The following AMPD3 variants were observed in gnomAD, a reference collection of about 807,000 sequenced individuals.
AMPD3 encodes adenosine monophosphate deaminase 3.
In AMPD3, 57 loss-of-function variants were observed where a neutral mutation model predicts 82.3. That is an observed-to-expected ratio of 0.69 (90% CI 0.56 to 0.86). The LOEUF (loss-of-function observed/expected upper bound fraction) is 0.86, where lower values mean the gene tolerates loss of function less well. AMPD3 is among the 40% of genes least tolerant of loss of function. The pLI, the probability that AMPD3 is intolerant of heterozygous loss-of-function variation, is 0.00. For synonymous variants in AMPD3, 381 were observed against 394.7 expected (o/e 0.97, Z 0.41); for missense variants, 870 against 1,003.8 (o/e 0.87, Z 1.80).
At chr11:10,484,692 A>AT in intron 4 of AMPD3, 128 bp from the exon 5 acceptor site, 1 of 1,268,674 alleles carries the variant, frequency 7.9e-7, no homozygotes, top group Non-Finnish European at 1.1e-6. Flanking sequence ...GGAAGAGCAT[A>AT]TGAGATGCGG....
At position 10,465,419 on chromosome 11, in the gene AMPD3, G is replaced by C. The variant is rs1848389906; in HGVS notation, c.221+3679G>C. ...TTTTAAAAAATTAGGATATAGTTAAGGCTGGCAAGATGGCCAATTAGGAAC... is the reference window on the plus strand; with the variant it reads ...TTTTAAAAAATTAGGATATAGTTAACGCTGGCAAGATGGCCAATTAGGAAC... On this transcript the variant is annotated intron_variant, in intron 2 of 14. Transcript: ENST00000396553. Among the ~76,000 whole-genome samples the C allele has an allele frequency of 4.6e-5, 7 of 152,302 alleles. 1 individual carries two copies. The South Asian group carries it at 1.5e-3, about 32-fold the overall frequency.
intron 4 of AMPD3, among the ~76,000 whole-genome samples, chr11:10,482,605 G>A (rs1461197816): frequency 2.0e-5 from 3 of 151,750 alleles, no homozygotes; most frequent in Non-Finnish European, 4.4e-5. Context: ...TCAATCTCCT[G>A]GGCTCAAGCA....
In AMPD3 at chr11:10,481,422, C is replaced by T. The variant is rs539117154; in HGVS notation, c.427-641C>T. On this transcript the variant is annotated intron_variant, in intron 3 of 14. Coordinates refer to ENST00000396553, the MANE Select transcript of AMPD3 (RefSeq NM_001025389.2). ...GCCTGGTACAAAAACAGACTTTTGG[C>T]TTAATTAGCTGCATGTGAGGCCGGC... The T allele has an allele frequency of 9.8e-5, 97 of 985,328 alleles. No homozygotes were observed. The African/African-American group carries it at 1.5e-3, about 15-fold the overall frequency. 61.0% of individuals were successfully genotyped at this position (985,328 alleles called of 1,614,324 possible). A position where few individuals can be genotyped will look rare whatever the true frequency, so the allele number is the denominator to read the frequency against.
chr11:10,454,445 C>A (rs576155417), upstream of AMPD3, among the ~76,000 whole-genome samples: 60 of 152,274 alleles, frequency 3.9e-4, no homozygotes, highest in Non-Finnish European at 7.1e-4. Context: ...TTTCCTATGA[C>A]AGCAGTTCTA....
intron 6 of AMPD3, chr11:10,490,554 T>C (rs1241604557): frequency 1.5e-5 from 15 of 985,246 alleles, no homozygotes; most frequent in African/African-American, 3.5e-5. Flanking sequence ...GATCCTCTGG[T>C]GAACTGAAAA....
At chr11:10,490,658 T>G (rs1849213707) in intron 6 of AMPD3, 1 of 985,220 alleles carries the variant, frequency 1.0e-6, no homozygotes, top group Non-Finnish European at 1.2e-6. Context: ...ATTGTCCAGT[T>G]GTTTTCCTCA....
At chr11:10,452,846 G>A (rs748544737), upstream of AMPD3, among the ~76,000 whole-genome samples, 15 of 152,132 alleles carry the variant, frequency 9.9e-5, no homozygotes, top group Non-Finnish European at 2.2e-4. Flanking sequence ...CACTTCATAG[G>A]GAATAAAACC....
In AMPD3 at chr11:10,506,086, A is replaced by G; in HGVS notation, c.*202A>G. On this transcript the variant is annotated 3_prime_UTR_variant, in exon 15 of 15. Coordinates refer to ENST00000396553, the MANE Select transcript of AMPD3 (RefSeq NM_001025389.2). This position sits in a 1 kb window ranked among gnomAD's most constrained non-coding sequence, Gnocchi z 4.1. The stretch of plus-strand genomic sequence containing the variant: ...AGTATTTCTGAGTAACAAGATGGTG[A>G]CTTCTCCTTGGGGATCTGGGAGCTG... The G allele has an allele frequency of 1.6e-6, 1 of 634,958 alleles. No individual in the cohort carries two copies. Among genetic ancestry groups the G allele is most frequent in the Non-Finnish European group, 2.8e-6 (1 of 356,196 alleles). 39.3% of individuals were successfully genotyped at this position (634,958 alleles called of 1,614,324 possible). A position where few individuals can be genotyped will look rare whatever the true frequency, so the allele number is the denominator to read the frequency against.
rs1221667463 is a variant in AMPD3, at chr11:10,495,561, T to C, written c.1267-9T>C. 1.2e-6 allele frequency: 2 copies of C among 1,612,484 alleles called. No homozygotes were observed. Among genetic ancestry groups the C allele is most frequent in the East Asian group, 4.5e-5 (2 of 44,876 alleles). ...GCACTGGGGCTGACCCAAGCTCTTC[T>C]TGTGCCAGGAGGTTGCCCGGGAGCT... On this transcript the variant is annotated splice_polypyrimidine_tract_variant and intron_variant, in intron 8 of 14. Coordinates refer to ENST00000396553, the MANE Select transcript of AMPD3 (RefSeq NM_001025389.2).
chr11:10,481,456 G>T, intron 3 of AMPD3: 1 of 985,406 alleles, frequency 1.0e-6, no homozygotes, highest in African/African-American at 1.7e-5. Flanking sequence ...GCTTCTGGGT[G>T]TGCAGGCTGG....
chr11:10,497,326 C>T lies in AMPD3; in HGVS notation c.1557+388C>T, dbSNP rs574454308. Reference sequence around the variant, plus strand: ...TCGGAAATGCAAACACTTCAATTCACCTGCTTTACCTCGCAACAGAGGCCC... The same window carrying T: ...TCGGAAATGCAAACACTTCAATTCATCTGCTTTACCTCGCAACAGAGGCCC... On this transcript the variant is annotated intron_variant, in intron 10 of 14. Transcript: ENST00000396553. Among the ~76,000 whole-genome samples, 168 of 152,220 alleles carry T rather than the reference C, an allele frequency of 1.1e-3. 1 individual carries two copies. Among genetic ancestry groups the T allele is most frequent in the African/African-American group, 4.0e-3 (168 of 41,524 alleles).
chr11:10,461,565 C>T lies in AMPD3; in HGVS notation c.46C>T (p.Gln16Ter). 6.2e-7 allele frequency: 1 copy of T among 1,614,220 alleles called. No homozygotes were observed. Among genetic ancestry groups the T allele is most frequent in the Non-Finnish European group, 8.5e-7 (1 of 1,180,038 alleles). The change falls in exon 2 of 15, where the codon CAA (glutamine) becomes TAA (stop). Residue 16 changes from glutamine to a stop codon, truncating the protein, a stop_gained. Coordinates refer to ENST00000396553, the MANE Select transcript of AMPD3 (RefSeq NM_001025389.2). LOFTEE classifies it high-confidence loss of function. Reference protein sequence around the residue: ...PKLNISEVDEQVRLLAEKVFA... With the variant: ...PKLNISEVDE ...GCTGAACATCTCTGAAGTGGATGAG[C>T]AAGTCCGGCTCCTGGCGGAGAAGGT...
upstream of AMPD3, among the ~76,000 whole-genome samples, chr11:10,453,382 G>A (rs992398052): frequency 3.9e-5 from 6 of 152,300 alleles, no homozygotes; most frequent in Non-Finnish European, 5.9e-5. Context: ...CTTGCTGAAT[G>A]TCGACCATAT....
intron 5 of AMPD3, among the ~76,000 whole-genome samples, chr11:10,485,431 A>G (rs1849040081): frequency 6.6e-6 from 1 of 152,016 alleles, no homozygotes. Context: ...TTTAGTAGAG[A>G]CAGGGGTTTT....
chr11:10,496,743 G>C (rs1454855742), intron 9 of AMPD3, 69 bp from the exon 10 acceptor site: 3 of 1,611,984 alleles, frequency 1.9e-6, no homozygotes, highest in South Asian at 1.1e-5. Flanking sequence ...GGAAGTGACT[G>C]GGGCTGGTCT....
chr11:10,483,170 G>A (rs1434372781), intron 4 of AMPD3, among the ~76,000 whole-genome samples: 2 of 152,170 alleles, frequency 1.3e-5, no homozygotes, highest in African/African-American at 4.8e-5. Flanking sequence ...CATTTATGCT[G>A]CCGAGTTCAG....
chr11:10,453,312 C>T (rs1294463548), upstream of AMPD3, among the ~76,000 whole-genome samples: 1 of 152,204 alleles, frequency 6.6e-6, no homozygotes, highest in African/African-American at 2.4e-5. Flanking sequence ...GTGGATTGAT[C>T]TATTATAAAT....
At chr11:10,497,508 G>C in intron 10 of AMPD3, 1 of 905,268 alleles carries the variant, frequency 1.1e-6, no homozygotes, top group African/African-American at 1.8e-5. Flanking sequence ...TGGGATCGAG[G>C]GGGTATCAGA....
At chr11:10,474,596 TAA>T (rs1848685102) in intron 2 of AMPD3, among the ~76,000 whole-genome samples, 2 of 152,028 alleles carry the variant, frequency 1.3e-5, no homozygotes, top group Non-Finnish European at 2.9e-5. Context: ...TGCTGGGAGG[TAA>T]GATGCTGTAA....
Sources: gnomAD v4.1 joint callset for allele counts (sites outside exome capture counted in the v4.1 genomes callset) on GRCh38, gnomAD v4.1.1 for gene constraint, Gnocchi (gnomAD v3.1) non-coding constraint, MANE v1.5 for transcripts, NCBI Gene and HGNC (gene_info 2026-07-23, HGNC 2026-07-21) for gene names.